Variants in UPRT observed in about 807,000 individuals in gnomAD.
The protein encoded by UPRT is RP11-311P8.3.
A neutral mutation model predicts 22.6 loss-of-function variants in UPRT; 5 were observed. The observed-to-expected ratio is 0.22, with a 90% CI of 0.12 to 0.47. The LOEUF (loss-of-function observed/expected upper bound fraction) is 0.47, where lower values mean the gene tolerates loss of function less well. UPRT is among the 20% of genes least tolerant of loss of function. The pLI is 0.99. For synonymous variants in UPRT, 77 were observed against 87.7 expected (o/e 0.88, Z 0.68); for missense variants, 181 against 239.9 (o/e 0.75, Z 1.62).
At chrX:75,278,644 G>GT (rs2082641384) in intron 1 of UPRT, among the ~76,000 whole-genome samples, 1 of 111,903 alleles carries the variant, frequency 8.9e-6, no homozygotes, top group African/African-American at 3.2e-5. Context: ...TCCCTGTCCA[G>GT]TTTTTTGTTT....
chrX:75,274,992 A>G (rs1011870033), intron 1 of UPRT, among the ~76,000 whole-genome samples: 2 of 110,776 alleles, frequency 1.8e-5, no homozygotes, highest in Non-Finnish European at 3.8e-5. Flanking sequence ...GCTTGTCCAC[A>G]TGGTAAACCT....
At chrX:75,174,379 C>T (rs1044787932) in intron 4 of UPRT, among the ~76,000 whole-genome samples, 9 of 111,388 alleles carry the variant, frequency 8.1e-5, no homozygotes, top group Non-Finnish European at 1.5e-4. Flanking sequence ...TTTGTAAGAC[C>T]ATCTGTAGCT....
chrX:75,261,212 A>G (rs1377665784), intron 4 of UPRT, among the ~76,000 whole-genome samples: 1 of 111,732 alleles, frequency 8.9e-6, no homozygotes, highest in Non-Finnish European at 1.9e-5. Context: ...GCAAGAGCAA[A>G]CAAATTCAAA....
intron 4 of UPRT, among the ~76,000 whole-genome samples, chrX:75,263,141 A>G (rs1039730411): frequency 2.7e-5 from 3 of 111,541 alleles, no homozygotes; most frequent in East Asian, 5.6e-4. Context: ...AGAACTCAGG[A>G]CTATTGATGT....
chrX:75,212,499 T>A (rs2082382711), intron 4 of UPRT, among the ~76,000 whole-genome samples: 1 of 111,700 alleles, frequency 9.0e-6, no homozygotes. Flanking sequence ...AGAGACAACA[T>A]ACCAGCACTA....
intron 1 of UPRT, among the ~76,000 whole-genome samples, chrX:75,290,801 G>A (rs1270082183): frequency 1.8e-5 from 2 of 110,068 alleles, no homozygotes; most frequent in Non-Finnish European, 3.8e-5. Context: ...ACTAAATGGG[G>A]GAAGGATGGA....
chrX:75,243,026 A>C (rs776921273), intron 4 of UPRT, among the ~76,000 whole-genome samples: 69 of 111,461 alleles, frequency 6.2e-4, no homozygotes, highest in Admixed American at 3.4e-3. Flanking sequence ...AGTCATCTTA[A>C]TTATTTCAGG....
At chrX:75,266,899 C>A (rs1482727983) in intron 4 of UPRT, among the ~76,000 whole-genome samples, 2 of 111,562 alleles carry the variant, frequency 1.8e-5, no homozygotes, top group Non-Finnish European at 3.8e-5. Flanking sequence ...TACCATCTCA[C>A]ACCAGTTAGA....
chrX:75,210,330 T>C (rs967995231), intron 4 of UPRT, among the ~76,000 whole-genome samples: 1 of 111,330 alleles, frequency 9.0e-6, no homozygotes, highest in African/African-American at 3.3e-5. Flanking sequence ...AGGAGAGGAT[T>C]ACATATATGT....
At chrX:75,264,423 T>G (rs949798155) in intron 4 of UPRT, among the ~76,000 whole-genome samples, 1 of 111,959 alleles carries the variant, frequency 8.9e-6, no homozygotes, top group Non-Finnish European at 1.9e-5. Context: ...TGGGTGCATA[T>G]ATAGTTAGGA....
At chrX:75,258,864 G>A (rs937881546) in intron 4 of UPRT, among the ~76,000 whole-genome samples, 1 of 111,728 alleles carries the variant, frequency 9.0e-6, no homozygotes, top group Non-Finnish European at 1.9e-5. Context: ...ACCTCATACA[G>A]GAGAGCTCTG....
rs781776690 is a variant in UPRT, at chrX:75,233,330, G to A, written c.-446-57694G>A. 3.1e-3 allele frequency among the ~76,000 whole-genome samples: 342 copies of A among 111,353 alleles called. 1 individual carries two copies. Among genetic ancestry groups the A allele is most frequent in the African/African-American group, 0.01 (309 of 30,604 alleles). On this transcript the variant is annotated intron_variant, in intron 4 of 13. Transcript: ENST00000652605. ...TCTGATTGGTGTACCTGAAAGTGAC[G>A]GGGAGAATGGAACCAAGTTGGAAAA... is the stretch of plus-strand genomic sequence containing the variant.
intron 4 of UPRT, among the ~76,000 whole-genome samples, chrX:75,298,903 C>T (rs932754457): frequency 8.9e-6 from 1 of 112,052 alleles, no homozygotes. Flanking sequence ...TGCTTATAAC[C>T]TTAATAGCCA....
chrX:75,250,684 A>G (rs968132668), intron 4 of UPRT, among the ~76,000 whole-genome samples: 1 of 111,499 alleles, frequency 9.0e-6, no homozygotes, highest in Admixed American at 9.6e-5. Flanking sequence ...CAATAGAAAA[A>G]GAGGGAATCC....
rs760172106 is a variant in UPRT at position 75,177,420 on chromosome X, C to G, written c.-447+9541C>G. 1.5e-4 allele frequency among the ~76,000 whole-genome samples: 17 copies of G among 111,527 alleles called. No individual in the cohort carries two copies. In the South Asian group the frequency reaches 5.4e-3, roughly 35 times the overall value. The stretch of plus-strand genomic sequence containing the variant: ...TTGAAAACCTGCACCCTTGCCTGTC[C>G]TCCTAGACCACAAGGAGGACCGACC... On this transcript the variant is annotated intron_variant, in intron 4 of 13. Coordinates refer to the UPRT transcript ENST00000652605.
Position 75,298,875 on chromosome X carries a change from TGTG to T in UPRT, c.563-856_563-854del, listed in dbSNP as rs1262796593. Among the ~76,000 whole-genome samples the T allele has an allele frequency of 3.6e-5, 4 of 112,425 alleles. No homozygotes were observed. In the East Asian group the frequency reaches 1.1e-3, roughly 31 times the overall value. On this transcript the variant is annotated intron_variant, in intron 4 of 6. Coordinates refer to ENST00000373383, the MANE Select transcript of UPRT (RefSeq NM_145052.4). Reference sequence around the variant, plus strand: ...TACCCTTAGTATGTACTAGATGACTTGTGGTGATGTACAGCATTGCTTATAACC... The same window carrying T: ...TACCCTTAGTATGTACTAGATGACTTGTGATGTACAGCATTGCTTATAACC...
intron 4 of UPRT, among the ~76,000 whole-genome samples, chrX:75,231,989 G>A (rs758263198): frequency 2.4e-4 from 27 of 111,979 alleles, no homozygotes; most frequent in Admixed American, 9.4e-4. Flanking sequence ...CATGAGCGAC[G>A]CAGAAGCCGG....
chrX:75,198,119 A>T (rs1241290715), intron 4 of UPRT, among the ~76,000 whole-genome samples: 1 of 112,941 alleles, frequency 8.9e-6, no homozygotes, highest in Non-Finnish European at 1.9e-5. Context: ...TAAACTGCAT[A>T]AAAAAATTGT....
At position 75,226,150 on chromosome X, in the gene UPRT, A is replaced by T. The variant is rs185008135; in HGVS notation, c.-447+58271A>T. 2.1e-4 allele frequency among the ~76,000 whole-genome samples: 23 copies of T among 111,028 alleles called. No individual in the cohort carries two copies. The South Asian group carries it at 8.1e-3, about 39-fold the overall frequency. On this transcript the variant is annotated intron_variant, in intron 4 of 13. Transcript: ENST00000652605. ...TTTTCCCCTCCTTATCCCACATGCAATCTACCAGCAAAATTTAAAAGATCT... is the reference window on the plus strand; with the variant it reads ...TTTTCCCCTCCTTATCCCACATGCATTCTACCAGCAAAATTTAAAAGATCT...
Sources: allele counts gnomAD v4.1 joint callset (sites outside exome capture counted in the v4.1 genomes callset), GRCh38; gene constraint gnomAD v4.1.1; transcripts MANE v1.5; gene names NCBI Gene and HGNC (gene_info 2026-07-23, HGNC 2026-07-21).